Variants in GPAM observed in about 807,000 individuals in gnomAD.
GPAM encodes glycerol-3-phosphate acyltransferase 1, mitochondrial.
Under a neutral mutation model 105.0 loss-of-function variants are expected in GPAM, and 56 were observed. That is an observed-to-expected ratio of 0.53 (90% CI 0.43 to 0.67). The LOEUF (loss-of-function observed/expected upper bound fraction) is 0.67. GPAM is among the 30% of genes least tolerant of loss of function. GPAM has a pLI of 0.00. For synonymous variants in GPAM, 368 were observed against 354.4 expected (o/e 1.04, Z -0.43); for missense variants, 855 against 989.8 (o/e 0.86, Z 1.83).
At chr10:112,178,123 A>G in intron 4 of GPAM, 66 bp from the exon 5 acceptor site, 1 of 825,972 alleles carries the variant, frequency 1.2e-6, no homozygotes, top group Non-Finnish European at 2.1e-6. Context: ...AGCTCTCATT[A>G]TGAGTTCTTG....
At position 112,153,248 on chromosome 10, in the gene GPAM, TA is replaced by T. The variant is rs1846952420; in HGVS notation, c.*301del. 8.3e-7 allele frequency: 1 copy of T among 1,204,898 alleles called. No individual in the cohort carries two copies. Among genetic ancestry groups the T allele is most frequent in the South Asian group, 1.8e-5 (1 of 54,362 alleles). 74.6% of individuals were successfully genotyped at this position (1,204,898 alleles called of 1,614,324 possible). On this transcript the variant is annotated 3_prime_UTR_variant, in exon 22 of 22. Coordinates refer to ENST00000348367, the MANE Select transcript of GPAM (RefSeq NM_001244949.2). ...GTAATTAGTCCTTAAAAGTTGTACT[TA>T]AAATGTCAATCTTTAATAAACTCAA...
In GPAM at chr10:112,157,232, AT is replaced by A. The variant is rs757498284; in HGVS notation, c.2121+16del. 6.2e-7 allele frequency: 1 copy of A among 1,610,246 alleles called. No homozygotes were observed. The highest frequency in any genetic ancestry group is 2.2e-5 in the East Asian group (1 of 44,862). The stretch of plus-strand genomic sequence containing the variant: ...ACATATCCCTGTAATATCCACCAGA[AT>A]TCTTCACCCAAGTACCTTCAGGTAG... On this transcript the variant is annotated intron_variant, in intron 19 of 21. Transcript: ENST00000348367.
At chr10:112,219,609 A>C (rs1848000931), upstream of GPAM, among the ~76,000 whole-genome samples, 1 of 152,166 alleles carries the variant, frequency 6.6e-6, no homozygotes, top group South Asian at 2.1e-4. Context: ...AGAGTTCTTA[A>C]ATTCATTTTC....
the GPAM span, among the ~76,000 whole-genome samples, chr10:112,221,025 A>G: frequency 2.1e-4 from 32 of 152,278 alleles, no homozygotes; most frequent in East Asian, 4.4e-3. Flanking sequence ...ATCACATCCA[A>G]TGGCATCTAC....
the GPAM span, among the ~76,000 whole-genome samples, chr10:112,225,222 A>C: frequency 6.6e-6 from 1 of 152,088 alleles, no homozygotes; most frequent in Admixed American, 6.5e-5. Flanking sequence ...CACCACACAC[A>C]CAAGCACAAA....
chr10:112,204,795 T>C (rs1394384138), intron 1 of GPAM, among the ~76,000 whole-genome samples: 7 of 148,170 alleles, frequency 4.7e-5, no homozygotes, highest in African/African-American at 1.5e-4. Context: ...CTATTCAACA[T>C]AGTGTTGGAA....
intron 9 of GPAM, 21 bp from the exon 10 acceptor site, chr10:112,168,973 A>C: frequency 7.3e-7 from 1 of 1,376,846 alleles, no homozygotes; most frequent in Non-Finnish European, 1.0e-6. Context: ...AGAATACATG[A>C]ATTATTTACA....
the GPAM span, among the ~76,000 whole-genome samples, chr10:112,227,611 A>G: frequency 2.0e-5 from 3 of 152,222 alleles, no homozygotes; most frequent in African/African-American, 7.2e-5. Context: ...AGATGGGCCA[A>G]GACAGGCGAA....
In GPAM at chr10:112,150,979, C is replaced by T. The variant is rs1375367342; in HGVS notation, c.*2571G>A. ...CTCGAAGCCATCTCAGTTAACAGTTCTACACATTTCCCACTAGTTTTTGCC... is the reference window on the plus strand; with the variant it reads ...CTCGAAGCCATCTCAGTTAACAGTTTTACACATTTCCCACTAGTTTTTGCC... On this transcript the variant is annotated 3_prime_UTR_variant, in exon 22 of 22. Coordinates refer to ENST00000348367, the MANE Select transcript of GPAM (RefSeq NM_001244949.2). The T allele has an allele frequency of 1.0e-6, 1 of 985,294 alleles. No homozygotes were observed. The highest frequency in any genetic ancestry group is 1.7e-5 in the African/African-American group (1 of 57,348). The allele number at this position is 985,294 out of a possible 1,614,324, so 61.0% of individuals were successfully genotyped here.
intron 1 of GPAM, among the ~76,000 whole-genome samples, chr10:112,198,854 G>A (rs972583120): frequency 1.3e-5 from 2 of 151,986 alleles, no homozygotes; most frequent in Non-Finnish European, 2.9e-5. Context: ...GAAAAAAGAA[G>A]AAAATCCTGT....
intron 14 of GPAM, among the ~76,000 whole-genome samples, chr10:112,161,989 G>T (rs1247762694): frequency 6.6e-6 from 1 of 152,158 alleles, no homozygotes; most frequent in Non-Finnish European, 1.5e-5. Context: ...CAGGCCAGTG[G>T]AATTTAGTTA....
chr10:112,187,020 T>G (rs1490693549), upstream of GPAM, among the ~76,000 whole-genome samples: 2 of 152,216 alleles, frequency 1.3e-5, no homozygotes, highest in Non-Finnish European at 2.9e-5. Flanking sequence ...ATAATATACT[T>G]GAAGGTAAAC....
At chr10:112,186,932 T>C (rs945720525), upstream of GPAM, among the ~76,000 whole-genome samples, 1 of 152,164 alleles carries the variant, frequency 6.6e-6, no homozygotes, top group African/African-American at 2.4e-5. Context: ...ACAAATAAAA[T>C]GTATGATGAC....
At position 112,168,967 on chromosome 10, in the gene GPAM, T is replaced by C; in HGVS notation, c.795-15A>G. The C allele has an allele frequency of 1.4e-6, 2 of 1,423,572 alleles. No individual in the cohort carries two copies. Among genetic ancestry groups the C allele is most frequent in the South Asian group, 2.3e-5 (2 of 87,216 alleles). The allele number at this position is 1,423,572 out of a possible 1,614,324, so 88.2% of individuals were successfully genotyped here. A position where few individuals can be genotyped will look rare whatever the true frequency, so the allele number is the denominator to read the frequency against. On this transcript the variant is annotated splice_polypyrimidine_tract_variant and intron_variant, in intron 9 of 21. Coordinates refer to ENST00000348367, the MANE Select transcript of GPAM (RefSeq NM_001244949.2). ...GGATCAAGGTACTATAAATTCAGAA[T>C]ACATGAATTATTTACAAAGAAAAAT...
At chr10:112,153,808 T>C in intron 21 of GPAM, 142 bp from the exon 22 acceptor site, 2 of 797,698 alleles carry the variant, frequency 2.5e-6, no homozygotes, top group South Asian at 3.3e-5. Flanking sequence ...AGTAAATGTA[T>C]GCCTGGGTGT....
intron 4 of GPAM, 102 bp from the exon 5 acceptor site, chr10:112,178,159 C>G (rs1460869787): frequency 1.5e-6 from 1 of 679,966 alleles, no homozygotes; most frequent in Non-Finnish European, 2.7e-6. Flanking sequence ...AGCATAAAAA[C>G]AGATATTGCC....
In GPAM at chr10:112,195,650, G is replaced by T. The variant is rs118001625; in HGVS notation, n.211-12759C>A. On this transcript the variant is annotated intron_variant and non_coding_transcript_variant, in intron 1 of 3. Transcript: ENST00000480130. The stretch of plus-strand genomic sequence containing the variant: ...TTGTAGAATTAATCATTTAATATCT[G>T]CCCCTCTCTCTCTCTTAAATGGCAT... 9.1e-3 allele frequency among the ~76,000 whole-genome samples: 1,381 copies of T among 152,278 alleles called. 16 individuals carry two copies. The highest frequency in any genetic ancestry group is 0.013 in the Non-Finnish European group (854 of 68,022).
chr10:112,168,578 G>T, intron 10 of GPAM, 54 bp from the exon 11 acceptor site: 1 of 1,192,184 alleles, frequency 8.4e-7, no homozygotes, highest in Non-Finnish European at 1.3e-6. Flanking sequence ...AACTTAGAAT[G>T]AGCTCAGAAA....
intron 7 of GPAM, among the ~76,000 whole-genome samples, 158 bp from the exon 8 acceptor site, chr10:112,173,224 G>C (rs913950331): frequency 6.7e-6 from 1 of 149,886 alleles, no homozygotes; most frequent in Non-Finnish European, 1.5e-5. Context: ...ATGCACGTAT[G>C]TCTGAATTGC....
Sources: allele counts gnomAD v4.1 joint callset (sites outside exome capture counted in the v4.1 genomes callset), GRCh38; gene constraint gnomAD v4.1.1; transcripts MANE v1.5; gene names NCBI Gene and HGNC (gene_info 2026-07-23, HGNC 2026-07-21).